The following GCLC variants were observed in gnomAD, a reference collection of about 807,000 sequenced individuals.
GCLC encodes glutamate--cysteine ligase catalytic subunit.
Under a neutral mutation model 81.5 loss-of-function variants are expected in GCLC, and 30 were observed. That is an observed-to-expected ratio of 0.37 (90% CI 0.28 to 0.50). GCLC has a LOEUF of 0.50. Among genes scored for constraint, GCLC ranks in the 20% least tolerant of loss-of-function variants. The pLI is 0.96. For synonymous variants in GCLC, 262 were observed against 273.3 expected (o/e 0.96, Z 0.41); for missense variants, 556 against 777.4 (o/e 0.72, Z 3.39).
rs759133225 is a variant in GCLC at position 53,544,558 on chromosome 6, A to T, written c.88T>A (p.Phe30Ile). ...TTGACGGCGTGGTAGATGTGCAGGA[A>T]CTGGAGGATCCCGTGCCGCCGCACG... ...DHVRRHGILQ[F>I]LHIYHAVKDR... is the part of the protein sequence containing the mutation. Residue 30 changes from phenylalanine (F) to isoleucine (I), a missense_variant, in exon 1 of 16, where the codon TTC becomes ATC. By Grantham distance (21) the Phe-to-Ile change is conservative. This residue lies in a region of GCLC where 234 missense variants were observed against 303.8 expected (regional missense o/e 0.77). Coordinates refer to ENST00000650454, the MANE Select transcript of GCLC (RefSeq NM_001498.4). 1.9e-6 allele frequency: 3 copies of T among 1,608,114 alleles called. No individual in the cohort carries two copies. Among genetic ancestry groups the T allele is most frequent in the Non-Finnish European group, 2.5e-6 (3 of 1,179,608 alleles).
At chr6:53,504,030 C>T (rs1215915001) in intron 12 of GCLC, among the ~76,000 whole-genome samples, 1 of 152,144 alleles carries the variant, frequency 6.6e-6, no homozygotes, top group Non-Finnish European at 1.5e-5. Context: ...ATTAGAATTC[C>T]TTTAAGAACT....
chr6:53,542,324 T>C lies in GCLC; in HGVS notation c.150+2172A>G, dbSNP rs768565427. ...ACTCTTTTCCAAGCCCCTTGATCTT[T>C]TGGAGTGGGAAGGAGGTAAACCTAT... On this transcript the variant is annotated intron_variant, in intron 1 of 15. Transcript: ENST00000650454. Among the ~76,000 whole-genome samples, 73 of 152,192 alleles carry C rather than the reference T, an allele frequency of 4.8e-4. 1 individual carries two copies. The highest frequency in any genetic ancestry group is 5.0e-4 in the Non-Finnish European group (34 of 68,038).
chr6:53,531,264 A>T (rs114440506), intron 1 of GCLC, among the ~76,000 whole-genome samples: 1 of 152,188 alleles, frequency 6.6e-6, no homozygotes, highest in East Asian at 1.9e-4. Flanking sequence ...TGTGATCAAC[A>T]TAACAAAAAA....
chr6:53,506,833 G>A lies in GCLC; in HGVS notation c.1197+80C>T. 1 of 790,258 alleles carries A rather than the reference G, an allele frequency of 1.3e-6. No individual in the cohort carries two copies. The highest frequency in any genetic ancestry group is 2.2e-6 in the Non-Finnish European group (1 of 450,614). 49.0% of individuals were successfully genotyped at this position (790,258 alleles called of 1,614,324 possible). A position where few individuals can be genotyped will look rare whatever the true frequency, so the allele number is the denominator to read the frequency against. On this transcript the variant is annotated intron_variant, in intron 10 of 15. Transcript: ENST00000650454. The surrounding 1 kb of genome is among the most constrained non-coding windows in gnomAD (Gnocchi z 4.0). ...CTGCCTCCCCATGTTGGTTTGTGAA[G>A]TGAAATGCATATAAAACAGAGGATT...
intron 1 of GCLC, among the ~76,000 whole-genome samples, chr6:53,539,535 A>G (rs1361384537): frequency 6.6e-6 from 1 of 152,238 alleles, no homozygotes; most frequent in Non-Finnish European, 1.5e-5. Context: ...CTATCCTAGT[A>G]AGTAGAGCTG....
intron 3 of GCLC, among the ~76,000 whole-genome samples, chr6:53,517,079 ATTTTTTTTT>A (rs71546114): frequency 9.6e-6 from 1 of 104,432 alleles, no homozygotes; most frequent in South Asian, 3.4e-4. Context: ...TTAAAAAAAA[ATTTTTTTTT>A]TTTTTTTTTT....
chr6:53,544,583 G>A lies in GCLC; in HGVS notation c.63C>T (p.His21=). The stretch of plus-strand genomic sequence containing the variant: ...ACTGGAGGATCCCGTGCCGCCGCAC[G>A]TGGTCGGCATGGCGCTTGGTTTCCT... ...SWEETKRHAD[H]VRRHGILQFL... Residue 21 remains histidine (H), a synonymous_variant, in exon 1 of 16, where the codon CAC becomes CAT. Coordinates refer to ENST00000650454, the MANE Select transcript of GCLC (RefSeq NM_001498.4). The A allele has an allele frequency of 6.2e-7, 1 of 1,605,974 alleles. No individual in the cohort carries two copies. The highest frequency in any genetic ancestry group is 8.5e-7 in the Non-Finnish European group (1 of 1,179,560).
intron 1 of GCLC, chr6:53,523,430 A>AT (rs1278242709): frequency 3.9e-5 from 6 of 152,248 alleles, no homozygotes; most frequent in African/African-American, 1.4e-4. Context: ...CACCAATACA[A>AT]TTACTACAGA....
chr6:53,542,553 A>C (rs1452558997), intron 1 of GCLC, among the ~76,000 whole-genome samples: 1 of 151,134 alleles, frequency 6.6e-6, no homozygotes, highest in Non-Finnish European at 1.5e-5. Context: ...GAATACACCA[A>C]ATGGGACAAA....
At chr6:53,515,710 G>A (rs1305497432) in intron 4 of GCLC, among the ~76,000 whole-genome samples, 1 of 152,066 alleles carries the variant, frequency 6.6e-6, no homozygotes, top group Non-Finnish European at 1.5e-5. Flanking sequence ...TATTTTATAA[G>A]TTATATAGAG....
At chr6:53,509,974 T>C (rs1764704355) in intron 6 of GCLC, 1 of 152,868 alleles carries the variant, frequency 6.5e-6, no homozygotes, top group Non-Finnish European at 1.5e-5. Flanking sequence ...CAAACTTCAC[T>C]GGTGGCAGTA....
chr6:53,519,396 C>T (rs1431277368), intron 3 of GCLC, among the ~76,000 whole-genome samples: 1 of 152,096 alleles, frequency 6.6e-6, no homozygotes, highest in Non-Finnish European at 1.5e-5. Flanking sequence ...TTTCACTCCT[C>T]CTGGAACCTT....
intron 11 of GCLC, 50 bp from the exon 12 acceptor site, chr6:53,505,546 C>T (rs1002046596): frequency 3.1e-6 from 3 of 960,678 alleles, no homozygotes; most frequent in Non-Finnish European, 5.1e-6. Flanking sequence ...CACAAACATG[C>T]TCTTCCCTGA....
chr6:53,500,898 G>C (rs1764498554), intron 12 of GCLC: 1 of 335,426 alleles, frequency 3.0e-6, no homozygotes, highest in African/African-American at 2.2e-5. Context: ...GAAGGCAGAA[G>C]GCAGGACTAG....
At chr6:53,538,476 G>A (rs760877709) in intron 1 of GCLC, among the ~76,000 whole-genome samples, 5 of 151,914 alleles carry the variant, frequency 3.3e-5, no homozygotes, top group African/African-American at 1.2e-4. Flanking sequence ...ACAGGTGCTC[G>A]CCACCACACC....
chr6:53,533,682 A>T (rs1289768910), intron 1 of GCLC, among the ~76,000 whole-genome samples: 1 of 152,208 alleles, frequency 6.6e-6, no homozygotes, highest in Non-Finnish European at 1.5e-5. Flanking sequence ...AATACAACTA[A>T]AAGAATCTAT....
Position 53,506,697 on chromosome 6 carries a change from C to A in GCLC, c.1197+216G>T. 2 of 529,878 alleles carry A rather than the reference C, an allele frequency of 3.8e-6. No individual in the cohort carries two copies. The highest frequency in any genetic ancestry group is 6.8e-6 in the Non-Finnish European group (2 of 296,150). 32.8% of individuals were successfully genotyped at this position (529,878 alleles called of 1,614,324 possible). A position where few individuals can be genotyped will look rare whatever the true frequency, so the allele number is the denominator to read the frequency against. On this transcript the variant is annotated intron_variant, in intron 10 of 15. Transcript: ENST00000650454. This position sits in a 1 kb window ranked among gnomAD's most constrained non-coding sequence, Gnocchi z 4.0. Reference sequence around the variant, plus strand: ...AATCAGTGAGATAAACAGTAAGAATCGTAAAATAAGAGTACTTGAAACCGA... The same window carrying A: ...AATCAGTGAGATAAACAGTAAGAATAGTAAAATAAGAGTACTTGAAACCGA...
intron 1 of GCLC, among the ~76,000 whole-genome samples, chr6:53,544,010 G>A (rs894595620): frequency 6.6e-6 from 1 of 152,172 alleles, no homozygotes; most frequent in African/African-American, 2.4e-5. Context: ...AGTTGGAGAG[G>A]TTTAAGGAAA....
In GCLC at chr6:53,520,822, T is replaced by C. The variant is rs773707744; in HGVS notation, c.402A>G (p.Ile134Met). The change falls in exon 3 of 16, where the codon ATA becomes ATG. Residue 134 changes from isoleucine to methionine, a missense_variant. Transcript: ENST00000650454. ...MRKRRKEATS[I>M]LEENQALCTI... ...TGCAAAGAGCCTGATTTTCTTCTAATATAGAAGTAGCCTCCTTCCGGCGTT... is the reference window on the plus strand; with the variant it reads ...TGCAAAGAGCCTGATTTTCTTCTAACATAGAAGTAGCCTCCTTCCGGCGTT... The C allele has an allele frequency of 6.2e-7, 1 of 1,614,020 alleles. No homozygotes were observed.
Sources: allele counts gnomAD v4.1 joint callset (sites outside exome capture counted in the v4.1 genomes callset), GRCh38; gene constraint gnomAD v4.1.1; regional missense constraint gnomAD v4.1.1; non-coding constraint Gnocchi (gnomAD v3.1); transcripts MANE v1.5; gene names NCBI Gene and HGNC (gene_info 2026-07-23, HGNC 2026-07-21).